Variants in DTNB observed in about 807,000 individuals in gnomAD.
The protein encoded by DTNB is dystrobrevin beta.
In DTNB, 63 loss-of-function variants were observed where a neutral mutation model predicts 90.7. That is an observed-to-expected ratio of 0.69 (90% confidence interval 0.57 to 0.86). The LOEUF (loss-of-function observed/expected upper bound fraction) is 0.86, where lower values mean the gene tolerates loss of function less well. Ranked by LOEUF, DTNB falls within the 40% of genes least tolerant of loss-of-function variation. The pLI, the probability that DTNB is intolerant of heterozygous loss-of-function variation, is 0.00. For synonymous variants in DTNB, 277 were observed against 286.7 expected (o/e 0.97, Z 0.34); for missense variants, 744 against 807.1 (o/e 0.92, Z 0.95).
At chr2:25,649,994 T>C (rs2080504441) in intron 2 of DTNB, 3 of 983,252 alleles carry the variant, frequency 3.1e-6, no homozygotes, top group Non-Finnish European at 3.6e-6. Flanking sequence ...TGTGAAGAAA[T>C]ATAGGAGACT....
intron 9 of DTNB, among the ~76,000 whole-genome samples, chr2:25,514,113 C>G (rs2074513384): frequency 6.6e-6 from 1 of 151,910 alleles, no homozygotes; most frequent in Non-Finnish European, 1.5e-5. Flanking sequence ...AAGTGTCATG[C>G]AGAAACTGAA....
At chr2:25,393,578 T>C (rs939747019) in intron 16 of DTNB, among the ~76,000 whole-genome samples, 10 of 152,216 alleles carry the variant, frequency 6.6e-5, no homozygotes, top group African/African-American at 2.4e-4. Flanking sequence ...AGCTCTGCTA[T>C]ATATCAACAG....
intron 7 of DTNB, among the ~76,000 whole-genome samples, chr2:25,579,717 GA>G (rs1363918841): frequency 2.0e-5 from 3 of 148,354 alleles, no homozygotes; most frequent in African/African-American, 4.9e-5. Context: ...AAAAAATGAG[GA>G]AAAAAAAAGG....
chr2:25,477,730 A>G (rs1261908890), intron 10 of DTNB, among the ~76,000 whole-genome samples: 1 of 152,194 alleles, frequency 6.6e-6, no homozygotes, highest in East Asian at 1.9e-4. Flanking sequence ...GTGTGATATA[A>G]TACATAACAC....
intron 3 of DTNB, among the ~76,000 whole-genome samples, chr2:25,633,156 T>C (rs1175434749): frequency 6.6e-6 from 1 of 151,536 alleles, no homozygotes; most frequent in Non-Finnish European, 1.5e-5. Flanking sequence ...AATTTTAAAA[T>C]AGCTCTCCCT....
intron 8 of DTNB, among the ~76,000 whole-genome samples, chr2:25,562,288 T>C (rs2058384231): frequency 6.6e-6 from 1 of 152,122 alleles, no homozygotes; most frequent in South Asian, 2.1e-4. Context: ...TACCTAATAG[T>C]ACTCCATTGT....
At chr2:25,416,821 G>GAAGGAAGGAAGGAAGGAAGC in intron 16 of DTNB, among the ~76,000 whole-genome samples, 3 of 151,450 alleles carry the variant, frequency 2.0e-5, no homozygotes, top group African/African-American at 7.3e-5. Flanking sequence ...AGGAAGGAAG[G>GAAGGAAGGAAGGAAGGAAGC]AAGGAAGGAA....
At chr2:25,633,897 G>A (rs1472864714) in intron 3 of DTNB, among the ~76,000 whole-genome samples, 1 of 151,212 alleles carries the variant, frequency 6.6e-6, no homozygotes. Flanking sequence ...GTCTCTGCCC[G>A]GCCGCACCGT....
intron 8 of DTNB, among the ~76,000 whole-genome samples, chr2:25,570,097 G>GAAAA (rs58904320): frequency 1.6e-5 from 2 of 124,950 alleles, no homozygotes; most frequent in Admixed American, 8.2e-5. Context: ...ACTGCATCTG[G>GAAAA]AAAAAAAAAA....
At chr2:25,474,859 T>C (rs2063469146) in intron 10 of DTNB, among the ~76,000 whole-genome samples, 3 of 152,336 alleles carry the variant, frequency 2.0e-5, no homozygotes, top group East Asian at 1.9e-4. Flanking sequence ...ATATCGGTTA[T>C]GGTGATCTGT....
At chr2:25,460,596 G>T (rs867096768) in intron 10 of DTNB, among the ~76,000 whole-genome samples, 1 of 152,074 alleles carries the variant, frequency 6.6e-6, no homozygotes, top group Non-Finnish European at 1.5e-5. Flanking sequence ...CGGAGGCCAC[G>T]TGCAACAGGC....
chr2:25,507,727 G>A (rs2072836513), intron 9 of DTNB, among the ~76,000 whole-genome samples: 1 of 152,170 alleles, frequency 6.6e-6, no homozygotes, highest in Non-Finnish European at 1.5e-5. Flanking sequence ...TAAAATGGAA[G>A]TCAGATCAGT....
intron 8 of DTNB, among the ~76,000 whole-genome samples, chr2:25,542,081 T>C (rs1206023579): frequency 6.6e-6 from 1 of 152,178 alleles, no homozygotes; most frequent in Admixed American, 6.5e-5. Flanking sequence ...GTTTTTGTTG[T>C]TGTTCTGTGT....
intron 6 of DTNB, among the ~76,000 whole-genome samples, chr2:25,585,385 G>A (rs1025750127): frequency 1.3e-5 from 2 of 152,126 alleles, no homozygotes; most frequent in Non-Finnish European, 2.9e-5. Context: ...AAAACACTGA[G>A]ACTGCTTTTA....
chr2:25,437,175 T>C lies in DTNB; in HGVS notation c.1258-3180A>G, dbSNP rs543279355. 2.1e-4 allele frequency among the ~76,000 whole-genome samples: 32 copies of C among 152,220 alleles called. No individual in the cohort carries two copies. The South Asian group carries it at 6.4e-3, about 31-fold the overall frequency. Reference sequence around the variant, plus strand: ...CCCGGCAGGACTCCTCAGTGATGAGTGTCCAGTGATGGCTTATCTCACTCA... The same window carrying C: ...CCCGGCAGGACTCCTCAGTGATGAGCGTCCAGTGATGGCTTATCTCACTCA... On this transcript the variant is annotated intron_variant, in intron 12 of 20. Coordinates refer to ENST00000406818, the MANE Select transcript of DTNB (RefSeq NM_021907.5).
chr2:25,436,262 G>A (rs1251088156), intron 12 of DTNB, among the ~76,000 whole-genome samples: 2 of 152,098 alleles, frequency 1.3e-5, no homozygotes, highest in African/African-American at 4.8e-5. Context: ...TTGAACCTGG[G>A]AGGTGGTGGT....
At chr2:25,384,092 A>G (rs1441415588) in intron 18 of DTNB, among the ~76,000 whole-genome samples, 1 of 152,222 alleles carries the variant, frequency 6.6e-6, no homozygotes, top group African/African-American at 2.4e-5. Flanking sequence ...CCGTAAGACC[A>G]CAGCCCAAAG....
At chr2:25,482,711 G>T in intron 10 of DTNB, 85 bp downstream of exon 10, 1 of 1,387,294 alleles carries the variant, frequency 7.2e-7, no homozygotes, top group Non-Finnish European at 1.0e-6. Context: ...GGAACAACCT[G>T]CTTTTCAGGC....
intron 12 of DTNB, among the ~76,000 whole-genome samples, chr2:25,450,006 C>T (rs141975623): frequency 3.5e-4 from 54 of 152,136 alleles, no homozygotes; most frequent in Non-Finnish European, 6.9e-4. Context: ...TTGTGACCCG[C>T]CTGCCTTGAA....
Sources: gnomAD v4.1 joint callset for allele counts (sites outside exome capture counted in the v4.1 genomes callset) on GRCh38, gnomAD v4.1.1 for gene constraint, MANE v1.5 for transcripts, NCBI Gene and HGNC (gene_info 2026-07-23, HGNC 2026-07-21) for gene names.